Variants in CES5A observed in about 807,000 individuals in gnomAD.
CES5A encodes carboxylesterase 5A.
A neutral mutation model predicts 62.9 loss-of-function variants in CES5A; 67 were observed. The ratio of observed to expected loss-of-function variants is 1.07; its 90% CI spans 0.88 to 1.31. The LOEUF (loss-of-function observed/expected upper bound fraction) is 1.31, where lower values mean the gene tolerates loss of function less well. Ranked by LOEUF, CES5A falls within the 50% of genes most tolerant of loss-of-function variation. The pLI, the probability that CES5A is intolerant of heterozygous loss-of-function variation, is 0.00. For missense variants in CES5A, 748 were observed against 708.5 expected, an observed-to-expected ratio of 1.06 and a Z score of -0.63; for synonymous variants, 296 against 280.8, an observed-to-expected ratio of 1.05 and a Z score of -0.54.
intron 1 of CES5A, among the ~76,000 whole-genome samples, chr16:55,917,823 A>C (rs1469854440): frequency 6.6e-6 from 1 of 152,168 alleles, no homozygotes; most frequent in Non-Finnish European, 1.5e-5. Flanking sequence ...TTAAACATAC[A>C]TATAAAATGA....
chr16:55,951,446 G>T (rs140691107), intron 1 of CES5A, among the ~76,000 whole-genome samples: 1 of 152,182 alleles, frequency 6.6e-6, no homozygotes, highest in Non-Finnish European at 1.5e-5. Context: ...ATAAAAAATA[G>T]GTTGAATAAT....
chr16:55,875,136 T>A lies in CES5A; in HGVS notation c.73+13A>T. On this transcript the variant is annotated intron_variant, in intron 1 of 12. Coordinates refer to ENST00000290567, the MANE Select transcript of CES5A (RefSeq NM_001143685.2). ...ATCTTCTGAGAGCCCTCCTTTCCCATTGGATATCTCACCTTTGGTGGGGGC... is the reference window on the plus strand; with the variant it reads ...ATCTTCTGAGAGCCCTCCTTTCCCAATGGATATCTCACCTTTGGTGGGGGC... 1.2e-6 allele frequency: 2 copies of A among 1,613,182 alleles called. No individual in the cohort carries two copies. The highest frequency in any genetic ancestry group is 1.7e-6 in the Non-Finnish European group (2 of 1,179,136).
intron 8 of CES5A, among the ~76,000 whole-genome samples, chr16:55,857,532 A>G (rs2033266917): frequency 6.6e-6 from 1 of 152,206 alleles, no homozygotes; most frequent in Admixed American, 6.5e-5. Context: ...ATCTCAGGGA[A>G]TCCTCAGAGT....
intron 1 of CES5A, among the ~76,000 whole-genome samples, chr16:55,906,687 CT>C (rs1332533664): frequency 6.6e-6 from 1 of 152,184 alleles, no homozygotes; most frequent in African/African-American, 2.4e-5. Context: ...AAGAGAGGGG[CT>C]TCCCAGGGGA....
intron 1 of CES5A, among the ~76,000 whole-genome samples, chr16:55,901,809 C>T (rs1249680225): frequency 6.6e-6 from 1 of 152,136 alleles, no homozygotes; most frequent in African/African-American, 2.4e-5. Flanking sequence ...TTTCTGACCC[C>T]ACTGGTGTTG....
intron 1 of CES5A, among the ~76,000 whole-genome samples, chr16:55,908,771 T>C (rs1327063675): frequency 2.0e-5 from 3 of 152,230 alleles, no homozygotes; most frequent in African/African-American, 7.2e-5. Flanking sequence ...ATGTCTTGTA[T>C]TGGCCATAAG....
intron 1 of CES5A, among the ~76,000 whole-genome samples, chr16:55,904,038 T>C (rs1480979985): frequency 6.6e-6 from 1 of 152,238 alleles, no homozygotes; most frequent in Non-Finnish European, 1.5e-5. Context: ...GAAAACCGTA[T>C]ACTCACAGTG....
chr16:55,854,557 T>TTTTTTTTTTTTTTTTA, intron 9 of CES5A, among the ~76,000 whole-genome samples: 1 of 19,190 alleles, frequency 5.2e-5, no homozygotes, highest in Non-Finnish European at 1.2e-4. Flanking sequence ...TTTTTTTTTT[T>TTTTTTTTTTTTTTTTA]GAGACAGAGT....
chr16:55,955,435 C>G (rs1174921539), intron 1 of CES5A, among the ~76,000 whole-genome samples: 1 of 152,188 alleles, frequency 6.6e-6, no homozygotes, highest in African/African-American at 2.4e-5. Context: ...TTTTCACTCA[C>G]AGTAATATTC....
intron 1 of CES5A, among the ~76,000 whole-genome samples, chr16:55,894,683 T>C (rs1035518952): frequency 2.6e-5 from 4 of 152,002 alleles, no homozygotes; most frequent in African/African-American, 9.7e-5. Context: ...AGTAATAAAA[T>C]CTTTACAATA....
chr16:55,919,516 A>T (rs2034180552), intron 1 of CES5A, among the ~76,000 whole-genome samples: 1 of 151,442 alleles, frequency 6.6e-6, no homozygotes, highest in Admixed American at 6.6e-5. Context: ...TGCTCCTACG[A>T]CTCTCAGCCC....
chr16:55,869,462 A>T, intron 4 of CES5A, 149 bp downstream of exon 4: 1 of 1,338,656 alleles, frequency 7.5e-7, no homozygotes, highest in Non-Finnish European at 9.7e-7. Context: ...TTTATCTGCT[A>T]CAGCTGCAAA....
intron 5 of CES5A, among the ~76,000 whole-genome samples, chr16:55,864,219 AG>A (rs1224100618): frequency 6.6e-6 from 1 of 152,220 alleles, no homozygotes; most frequent in African/African-American, 2.4e-5. Flanking sequence ...ATATATGAAA[AG>A]TTAGGTTAAT....
chr16:55,930,744 G>GT (rs1344241553), intron 2 of CES5A, among the ~76,000 whole-genome samples: 2 of 152,134 alleles, frequency 1.3e-5, no homozygotes, highest in Non-Finnish European at 2.9e-5. Context: ...TTAAAAATCA[G>GT]TTTTCCAGTG....
At chr16:55,868,559 C>G (rs1205691186) in intron 4 of CES5A, among the ~76,000 whole-genome samples, 1 of 152,190 alleles carries the variant, frequency 6.6e-6, no homozygotes, top group Non-Finnish European at 1.5e-5. Flanking sequence ...GCCTCTCACT[C>G]TTGGAGAATT....
chr16:55,912,293 A>G (rs1326350203), intron 1 of CES5A, among the ~76,000 whole-genome samples: 1 of 152,226 alleles, frequency 6.6e-6, no homozygotes, highest in Non-Finnish European at 1.5e-5. Flanking sequence ...CTAAAAATAC[A>G]TTCCGACGAC....
rs759007431 is a variant in CES5A at position 55,875,018 on chromosome 16, A to G, written c.73+131T>C. 4 of 922,698 alleles carry G rather than the reference A, an allele frequency of 4.3e-6. No homozygotes were observed. The South Asian group carries it at 5.3e-5, about 12-fold the overall frequency. The allele number at this position is 922,698 out of a possible 1,614,324, so 57.2% of individuals were successfully genotyped here. ...GGTTCTCGGCAACAGCAGAATACTG[A>G]TGCCATCAAAGTACTACATAGCTCT... On this transcript the variant is annotated intron_variant, in intron 1 of 12. Transcript: ENST00000290567.
intron 1 of CES5A, among the ~76,000 whole-genome samples, chr16:55,920,794 C>T (rs1344033675): frequency 2.6e-5 from 4 of 152,160 alleles, no homozygotes; most frequent in Non-Finnish European, 5.9e-5. Context: ...CTGACCCTAA[C>T]GAGATGGTGG....
chr16:55,935,138 TCA>T (rs2034359086), intron 2 of CES5A, among the ~76,000 whole-genome samples: 1 of 152,184 alleles, frequency 6.6e-6, no homozygotes, highest in Non-Finnish European at 1.5e-5. Flanking sequence ...AGATGGAGTT[TCA>T]CAGTGTTGGC....
Sources: allele counts gnomAD v4.1 joint callset (sites outside exome capture counted in the v4.1 genomes callset), GRCh38; gene constraint gnomAD v4.1.1; transcripts MANE v1.5; gene names NCBI Gene and HGNC (gene_info 2026-07-23, HGNC 2026-07-21).